The following RTL4 variants were observed in gnomAD, a reference collection of about 807,000 sequenced individuals.
The protein encoded by RTL4 is retrotransposon Gag like 4, also known as retrotransposon Gag-like protein 4.
In RTL4, 4 loss-of-function variants were observed where a neutral mutation model predicts 5.3. The observed-to-expected ratio is 0.75, with a 90% CI of 0.37 to 1.72. The LOEUF is 1.72. Ranked by LOEUF, RTL4 falls within the 40% of genes most tolerant of loss-of-function variation. The pLI, the probability that RTL4 is intolerant of heterozygous loss-of-function variation, is 0.04. For synonymous variants in RTL4, 98 were observed against 87.3 expected (o/e 1.12, Z -0.68); for missense variants, 260 against 227.1 (o/e 1.14, Z -0.93).
At chrX:112,394,332 G>C in the RTL4 span, among the ~76,000 whole-genome samples, 10 of 111,473 alleles carry the variant, frequency 9.0e-5, no homozygotes, top group Non-Finnish European at 1.1e-4. Flanking sequence ...CTCTCCATGA[G>C]AGATGCACAC....
the RTL4 span, among the ~76,000 whole-genome samples, chrX:112,322,824 T>A: frequency 2.7e-5 from 3 of 111,972 alleles, no homozygotes; most frequent in Non-Finnish European, 5.6e-5. Flanking sequence ...ATTTCTAAAT[T>A]AAGAATACTT....
chrX:112,211,230 C>T, the RTL4 span, among the ~76,000 whole-genome samples: 68 of 111,819 alleles, frequency 6.1e-4, 2 homozygotes, highest in East Asian at 0.012. Context: ...TTAATTTTAA[C>T]GGTTTTTCAT....
chrX:112,209,541 C>G, the RTL4 span, among the ~76,000 whole-genome samples: 1 of 111,742 alleles, frequency 8.9e-6, no homozygotes, highest in Admixed American at 9.5e-5. Context: ...CCTCTGTTAA[C>G]TGATCATAGG....
chrX:112,258,286 G>A, the RTL4 span, among the ~76,000 whole-genome samples: 15 of 110,364 alleles, frequency 1.4e-4, no homozygotes, highest in Non-Finnish European at 2.7e-4. Flanking sequence ...TAAACTATGG[G>A]CTTTAAGTGA....
chrX:112,260,157 A>C, the RTL4 span, among the ~76,000 whole-genome samples: 1 of 111,792 alleles, frequency 8.9e-6, no homozygotes, highest in African/African-American at 3.2e-5. Context: ...AAGCAACAAC[A>C]ATTTATCTAG....
chrX:112,184,241 T>C, the RTL4 span, among the ~76,000 whole-genome samples: 1 of 107,169 alleles, frequency 9.3e-6, no homozygotes, highest in Non-Finnish European at 1.9e-5. Flanking sequence ...TTAGGAGATA[T>C]ATCTAATGTA....
At chrX:112,310,891 T>A in the RTL4 span, among the ~76,000 whole-genome samples, 3 of 95,651 alleles carry the variant, frequency 3.1e-5, no homozygotes, top group African/African-American at 7.6e-5. Context: ...TATGTATGTA[T>A]TATTTTTATA....
the RTL4 span, among the ~76,000 whole-genome samples, chrX:112,232,722 G>A: frequency 9.0e-6 from 1 of 111,628 alleles, no homozygotes; most frequent in Non-Finnish European, 1.9e-5. Flanking sequence ...GGGCTTTCCT[G>A]AATTTAACAG....
chrX:112,322,724 G>C, the RTL4 span, among the ~76,000 whole-genome samples: 1 of 111,020 alleles, frequency 9.0e-6, no homozygotes, highest in Non-Finnish European at 1.9e-5. Flanking sequence ...CTTTGACACT[G>C]TTTCATGCTC....
chrX:112,320,887 G>A, the RTL4 span, among the ~76,000 whole-genome samples: 1 of 111,687 alleles, frequency 9.0e-6, no homozygotes, highest in Non-Finnish European at 1.9e-5. Flanking sequence ...ATATATTTAT[G>A]TAAAAAGTGT....
At chrX:112,327,729 G>A in the RTL4 span, among the ~76,000 whole-genome samples, 1 of 110,861 alleles carries the variant, frequency 9.0e-6, no homozygotes, top group Non-Finnish European at 1.9e-5. Context: ...TTGAAATGAA[G>A]GAAAAAATGT....
the RTL4 span, among the ~76,000 whole-genome samples, chrX:112,157,691 G>A: frequency 8.9e-6 from 1 of 112,085 alleles, no homozygotes; most frequent in Non-Finnish European, 1.9e-5. Flanking sequence ...TTTATGCACA[G>A]CAGGGAGCAG....
chrX:112,312,196 T>C, the RTL4 span, among the ~76,000 whole-genome samples: 2 of 111,679 alleles, frequency 1.8e-5, no homozygotes, highest in Non-Finnish European at 3.8e-5. Context: ...ATTATGACTC[T>C]ACTGGTGACC....
chrX:112,110,123 A>G, the RTL4 span, among the ~76,000 whole-genome samples: 16,483 of 111,386 alleles, frequency 0.15, 1,778 homozygotes, highest in African/African-American at 0.37. Flanking sequence ...AGAGTTTGAA[A>G]GGCGTTGTCT....
chrX:112,241,816 T>G, the RTL4 span, among the ~76,000 whole-genome samples: 1 of 112,362 alleles, frequency 8.9e-6, no homozygotes, highest in Non-Finnish European at 1.9e-5. Flanking sequence ...TTCTAGGGTT[T>G]TTATGGTTTT....
the RTL4 span, among the ~76,000 whole-genome samples, chrX:112,289,868 T>C: frequency 9.0e-6 from 1 of 111,375 alleles, no homozygotes; most frequent in Non-Finnish European, 1.9e-5. Flanking sequence ...AGGTAGGTAC[T>C]GTTATTATCT....
chrX:112,107,040 T>G, the RTL4 span, among the ~76,000 whole-genome samples: 5 of 111,826 alleles, frequency 4.5e-5, no homozygotes, highest in African/African-American at 1.3e-4. Context: ...ATTTCTCTAT[T>G]TTTGCTTTTG....
the RTL4 span, among the ~76,000 whole-genome samples, chrX:112,212,437 T>C: frequency 1.8e-5 from 2 of 112,649 alleles, no homozygotes; most frequent in South Asian, 7.3e-4. Flanking sequence ...GGTCAGTTCT[T>C]AGCACTTAGT....
At chrX:112,379,649 T>C in the RTL4 span, among the ~76,000 whole-genome samples, 2 of 111,989 alleles carry the variant, frequency 1.8e-5, no homozygotes, top group African/African-American at 6.5e-5. Flanking sequence ...GCTGCACATG[T>C]TTTAAATGTG....
Sources: allele counts gnomAD v4.1 joint callset (sites outside exome capture counted in the v4.1 genomes callset), GRCh38; gene constraint gnomAD v4.1.1; transcripts MANE v1.5; gene names NCBI Gene and HGNC (gene_info 2026-07-23, HGNC 2026-07-21).